Variants in ZNF507 observed in about 807,000 individuals in gnomAD.
The protein encoded by ZNF507 is zinc finger protein 507.
In ZNF507, 29 loss-of-function variants were observed where a neutral mutation model predicts 80.0. The observed-to-expected ratio is 0.36, with a 90% CI of 0.27 to 0.49. ZNF507 has a LOEUF of 0.49. Ranked by LOEUF, ZNF507 falls within the 20% of genes least tolerant of loss-of-function variation. The pLI, the probability that ZNF507 is intolerant of heterozygous loss-of-function variation, is 0.98. For synonymous variants in ZNF507, 462 were observed against 422.5 expected (o/e 1.09, Z -1.15); for missense variants, 1,081 against 1,152.2 (o/e 0.94, Z 0.90).
intron 5 of ZNF507, among the ~76,000 whole-genome samples, chr19:32,374,204 TCTCA>T (rs1021628007): frequency 6.3e-5 from 9 of 143,274 alleles, no homozygotes; most frequent in Admixed American, 3.4e-4. Flanking sequence ...TCTCTCTTTC[TCTCA>T]CTCATTGTTA....
intron 5 of ZNF507, among the ~76,000 whole-genome samples, chr19:32,376,292 T>C (rs977944997): frequency 2.0e-5 from 3 of 152,220 alleles, no homozygotes; most frequent in African/African-American, 4.8e-5. Flanking sequence ...TTTCTAATTT[T>C]CTACAGCGAA....
rs1290598471 is a variant in ZNF507 at position 32,384,843 on chromosome 19, A to C, written c.*1760A>C. 6.6e-6 allele frequency: 1 copy of C among 152,186 alleles called. No individual in the cohort carries two copies. Among genetic ancestry groups the C allele is most frequent in the Non-Finnish European group, 1.5e-5 (1 of 68,036 alleles). 9.4% of individuals were successfully genotyped at this position (152,186 alleles called of 1,614,324 possible). A position where few individuals can be genotyped will look rare whatever the true frequency, so the allele number is the denominator to read the frequency against. On this transcript the variant is annotated 3_prime_UTR_variant, in exon 7 of 7. Transcript: ENST00000355898. ...ATCCATTTCTGATACGTGGTTTTTA[A>C]AAATATGAAATGGATTTATATATAC... is the stretch of plus-strand genomic sequence containing the variant.
rs1967653144 is a variant in ZNF507 at position 32,383,693 on chromosome 19, C to T, written c.*610C>T. 3 of 152,308 alleles carry T rather than the reference C, an allele frequency of 2.0e-5. No individual in the cohort carries two copies. Among genetic ancestry groups the T allele is most frequent in the South Asian group, 4.1e-4 (2 of 4,828 alleles). 9.4% of individuals were successfully genotyped at this position (152,308 alleles called of 1,614,324 possible). A position where few individuals can be genotyped will look rare whatever the true frequency, so the allele number is the denominator to read the frequency against. On this transcript the variant is annotated 3_prime_UTR_variant, in exon 7 of 7. Transcript: ENST00000355898. ...ACTCCTTAAAAAAGAAAGGAAAGAT[C>T]TCTAAATTCAAAGCTAGATTGTAAA...
chr19:32,359,115 GT>G (rs1460049950), intron 4 of ZNF507: 1 of 151,872 alleles, frequency 6.6e-6, no homozygotes, highest in Non-Finnish European at 1.5e-5. Context: ...ATTTTTTAGG[GT>G]TTTTTTAAAA....
intron 5 of ZNF507, among the ~76,000 whole-genome samples, chr19:32,379,796 T>G (rs1032338165): frequency 4.6e-5 from 5 of 109,684 alleles, no homozygotes; most frequent in Non-Finnish European, 6.0e-5. Flanking sequence ...GGTTGTTGTT[T>G]TTTTTTCCAC....
At chr19:32,358,499 A>C (rs546672654) in intron 4 of ZNF507, 2 of 152,246 alleles carry the variant, frequency 1.3e-5, no homozygotes, top group East Asian at 3.9e-4. Flanking sequence ...CTGGGAGTAC[A>C]GTGAAAGGCA....
chr19:32,380,953 A>C (rs1967614911), intron 5 of ZNF507, among the ~76,000 whole-genome samples: 1 of 152,192 alleles, frequency 6.6e-6, no homozygotes, highest in Non-Finnish European at 1.5e-5. Flanking sequence ...ACAACTTTGC[A>C]CATGAATGTT....
intron 5 of ZNF507, among the ~76,000 whole-genome samples, chr19:32,364,529 C>G (rs1180324221): frequency 1.3e-5 from 2 of 152,160 alleles, no homozygotes; most frequent in African/African-American, 4.8e-5. Flanking sequence ...TTTTATCATT[C>G]TTATGCCTTT....
At chr19:32,351,235 G>A (rs1325729304) in intron 2 of ZNF507, among the ~76,000 whole-genome samples, 1 of 152,116 alleles carries the variant, frequency 6.6e-6, no homozygotes, top group Non-Finnish European at 1.5e-5. Context: ...ATGCCATAGG[G>A]CAGAGTATTA....
chr19:32,348,690 T>G (rs1967125930), intron 2 of ZNF507, among the ~76,000 whole-genome samples: 1 of 152,240 alleles, frequency 6.6e-6, no homozygotes, highest in South Asian at 2.1e-4. Context: ...TATTACTTAT[T>G]TATTGGTAAC....
chr19:32,369,100 T>C (rs1967436361), intron 5 of ZNF507, among the ~76,000 whole-genome samples: 1 of 152,246 alleles, frequency 6.6e-6, no homozygotes, highest in African/African-American at 2.4e-5. Context: ...AGCCAAGTTA[T>C]AAGAAGCCTT....
intron 4 of ZNF507, chr19:32,358,441 G>A (rs1967279482): frequency 6.6e-6 from 1 of 152,206 alleles, no homozygotes; most frequent in East Asian, 1.9e-4. Context: ...CATTTGCTTG[G>A]CCAAAAGGCA....
chr19:32,366,420 A>G (rs527699279), intron 5 of ZNF507, among the ~76,000 whole-genome samples: 145 of 152,168 alleles, frequency 9.5e-4, no homozygotes, highest in African/African-American at 3.4e-3. Flanking sequence ...AACATTATCA[A>G]TTAGTGTTTT....
chr19:32,351,419 C>CTGTGTGTGTGTGTGTGTGTG lies in ZNF507; in HGVS notation c.-2-1377_-2-1358dup, dbSNP rs5823. 1.0e-3 allele frequency among the ~76,000 whole-genome samples: 54 copies of CTGTGTGTGTGTGTGTGTGTG among 52,840 alleles called. 1 individual carries two copies. Among genetic ancestry groups the CTGTGTGTGTGTGTGTGTGTG allele is most frequent in the African/African-American group, 2.2e-3 (29 of 13,278 alleles). 34.7% of individuals were successfully genotyped at this position (52,840 alleles called of 152,430 possible). On this transcript the variant is annotated intron_variant, in intron 2 of 6. Coordinates refer to ENST00000355898, the MANE Select transcript of ZNF507 (RefSeq NM_001136156.2). ...GCGACCTGGCACTGAAGCTGGTCAGCTGTGTGTGTGTGTGTGTGTGTGTGT... is the reference window on the plus strand; with the variant it reads ...GCGACCTGGCACTGAAGCTGGTCAGCTGTGTGTGTGTGTGTGTGTGTGTGTGTGTGTGTGTGTGTGTGTGT...
intron 5 of ZNF507, among the ~76,000 whole-genome samples, chr19:32,374,466 TTTTC>T (rs1009175549): frequency 2.2e-4 from 32 of 145,572 alleles, no homozygotes; most frequent in African/African-American, 4.2e-4. Flanking sequence ...TATTTATAGC[TTTTC>T]TTTCTTTTTT....
rs1281313879 is a variant in ZNF507, at chr19:32,353,293, CTGATGTGCT to C, written c.464_472del (p.Leu155_Ser158delinsPro). On this transcript the variant is annotated inframe_deletion, in exon 3 of 7. Transcript: ENST00000355898. ...ACATGGTCAGCAAAATGAAGTGATA[CTGATGTGCT>C]CAGAGTGCCATATTACATCTAGAAG... 6.2e-7 allele frequency: 1 copy of C among 1,614,110 alleles called. No homozygotes were observed. Among genetic ancestry groups the C allele is most frequent in the Non-Finnish European group, 8.5e-7 (1 of 1,180,054 alleles).
Position 32,384,573 on chromosome 19 carries a change from T to C in ZNF507, c.*1490T>C, listed in dbSNP as rs1967664417. The C allele has an allele frequency of 6.6e-6, 1 of 152,176 alleles. No individual in the cohort carries two copies. Among genetic ancestry groups the C allele is most frequent in the Admixed American group, 6.5e-5 (1 of 15,280 alleles). 9.4% of individuals were successfully genotyped at this position (152,176 alleles called of 1,614,324 possible). A position where few individuals can be genotyped will look rare whatever the true frequency, so the allele number is the denominator to read the frequency against. ...ATCAACTTGGAACACTGTAAAGGTTTTCGAATGGGATACGCTGTAGGCACG... is the reference window on the plus strand; with the variant it reads ...ATCAACTTGGAACACTGTAAAGGTTCTCGAATGGGATACGCTGTAGGCACG... On this transcript the variant is annotated 3_prime_UTR_variant, in exon 7 of 7. Coordinates refer to ENST00000355898, the MANE Select transcript of ZNF507 (RefSeq NM_001136156.2).
rs573800008 is a variant in ZNF507, at chr19:32,362,988, G to C, written c.2360+2370G>C. 4.5e-4 allele frequency among the ~76,000 whole-genome samples: 69 copies of C among 152,206 alleles called. 1 individual carries two copies. Among genetic ancestry groups the C allele is most frequent in the African/African-American group, 1.6e-3 (65 of 41,508 alleles). On this transcript the variant is annotated intron_variant, in intron 5 of 6. Transcript: ENST00000355898. ...CTTTGCCTTCATGGGATTTCTGGTC[G>C]CAGAGCATTACGGATTAACATGTTC...
intron 5 of ZNF507, among the ~76,000 whole-genome samples, chr19:32,375,009 A>G (rs1967527735): frequency 6.6e-6 from 1 of 152,152 alleles, no homozygotes. Context: ...TTTATTAGGA[A>G]TGTATATTGG....
Sources: gnomAD v4.1 joint callset for allele counts (sites outside exome capture counted in the v4.1 genomes callset) on GRCh38, gnomAD v4.1.1 for gene constraint, MANE v1.5 for transcripts, NCBI Gene and HGNC (gene_info 2026-07-23, HGNC 2026-07-21) for gene names.